Variants in BCKDHB observed in about 807,000 individuals in gnomAD.
BCKDHB encodes branched chain keto acid dehydrogenase E1 subunit beta.
In BCKDHB, 41 loss-of-function variants were observed where a neutral mutation model predicts 48.5. That is an observed-to-expected ratio of 0.85 (90% CI 0.66 to 1.10). The LOEUF is 1.10. Among genes scored for constraint, BCKDHB ranks in the 50% least tolerant of loss-of-function variants. The pLI is 0.00. For missense variants in BCKDHB, 496 were observed against 494.2 expected, an observed-to-expected ratio of 1.00 and a Z score of -0.03; for synonymous variants, 201 against 174.8, an observed-to-expected ratio of 1.15 and a Z score of -1.18.
At chr6:80,121,642 C>T (rs951173075) in intron 1 of BCKDHB, among the ~76,000 whole-genome samples, 1 of 152,140 alleles carries the variant, frequency 6.6e-6, no homozygotes, top group African/African-American at 2.4e-5. Flanking sequence ...TGGGAGTTCA[C>T]TCATGATTTG....
At chr6:80,410,848 C>CT in the BCKDHB span, among the ~76,000 whole-genome samples, 27 of 152,232 alleles carry the variant, frequency 1.8e-4, no homozygotes, top group Non-Finnish European at 3.8e-4. Context: ...TTCGTCTAAC[C>CT]TTTTTTCAAG....
intron 8 of BCKDHB, among the ~76,000 whole-genome samples, chr6:80,212,630 G>A (rs576143623): frequency 1.3e-5 from 2 of 152,204 alleles, no homozygotes; most frequent in Admixed American, 6.5e-5. Context: ...CTCAGTTTAC[G>A]AAGATAACAG....
chr6:80,266,096 A>G (rs1294060396), intron 8 of BCKDHB, among the ~76,000 whole-genome samples: 1 of 152,092 alleles, frequency 6.6e-6, no homozygotes, highest in Non-Finnish European at 1.5e-5. Flanking sequence ...TGTGTCTCAA[A>G]AGTACAACTT....
At chr6:80,332,722 AC>A (rs1214856604) in intron 9 of BCKDHB, among the ~76,000 whole-genome samples, 2 of 150,054 alleles carry the variant, frequency 1.3e-5, no homozygotes, top group Admixed American at 6.6e-5. Context: ...AAAAAAAAAA[AC>A]ACCTTCAAAC....
intron 9 of BCKDHB, among the ~76,000 whole-genome samples, chr6:80,339,459 C>T (rs907718532): frequency 3.9e-5 from 6 of 152,118 alleles, no homozygotes; most frequent in Non-Finnish European, 8.8e-5. Context: ...AGAAAATAGT[C>T]AAATGAAGAT....
At chr6:80,465,496 T>G in the BCKDHB span, among the ~76,000 whole-genome samples, 4 of 152,198 alleles carry the variant, frequency 2.6e-5, no homozygotes, top group Admixed American at 1.3e-4. Flanking sequence ...TCTAATACTG[T>G]TCTGTCAAAA....
At chr6:80,158,154 T>G (rs1438644268) in intron 3 of BCKDHB, among the ~76,000 whole-genome samples, 8 of 152,154 alleles carry the variant, frequency 5.3e-5, no homozygotes, top group Admixed American at 5.2e-4. Flanking sequence ...TTGAAACTAA[T>G]TTGGGCTTTG....
At chr6:80,111,332 G>T (rs1304589460) in intron 1 of BCKDHB, among the ~76,000 whole-genome samples, 3 of 152,158 alleles carry the variant, frequency 2.0e-5, no homozygotes, top group Non-Finnish European at 4.4e-5. Flanking sequence ...ACCCTGGGTC[G>T]CTTCAGTCTT....
chr6:80,425,305 C>A, the BCKDHB span, among the ~76,000 whole-genome samples: 1 of 152,126 alleles, frequency 6.6e-6, no homozygotes, highest in African/African-American at 2.4e-5. Context: ...CTTAATTTAT[C>A]CAATGGTTAA....
chr6:80,321,827 A>G (rs2128002136), intron 9 of BCKDHB, among the ~76,000 whole-genome samples: 1 of 152,324 alleles, frequency 6.6e-6, no homozygotes, highest in African/African-American at 2.4e-5. Context: ...ACTTCCAATT[A>G]CATTTTGTAA....
the BCKDHB span, among the ~76,000 whole-genome samples, chr6:80,459,844 G>A: frequency 1.3e-5 from 2 of 152,034 alleles, no homozygotes; most frequent in African/African-American, 2.4e-5. Flanking sequence ...TTATGTAACT[G>A]CATGGAATTA....
intron 3 of BCKDHB, among the ~76,000 whole-genome samples, chr6:80,143,022 C>T (rs1414089096): frequency 1.3e-5 from 2 of 152,008 alleles, no homozygotes; most frequent in Non-Finnish European, 2.9e-5. Context: ...ATTTAGATTC[C>T]TAAAATTATC....
At chr6:80,349,643 A>G (rs1770338794), downstream of BCKDHB, among the ~76,000 whole-genome samples, 1 of 152,200 alleles carries the variant, frequency 6.6e-6, no homozygotes, top group Non-Finnish European at 1.5e-5. Context: ...TGAAAATGAA[A>G]ACAAATATGG....
At chr6:80,185,652 A>G (rs1219302855) in intron 6 of BCKDHB, among the ~76,000 whole-genome samples, 1 of 152,064 alleles carries the variant, frequency 6.6e-6, no homozygotes, top group East Asian at 1.9e-4. Flanking sequence ...TGGAGATGGG[A>G]CTTCCTGAGA....
At chr6:80,361,207 A>G in the BCKDHB span, among the ~76,000 whole-genome samples, 2 of 152,078 alleles carry the variant, frequency 1.3e-5, no homozygotes, top group African/African-American at 4.8e-5. Context: ...TTAAAATGGT[A>G]GCCTCTTCCT....
chr6:80,203,147 G>A lies in BCKDHB; in HGVS notation c.886G>A (p.Gly296Arg), dbSNP rs1429068234. Residue 296 changes from glycine to arginine, a missense_variant, in exon 8 of 10, where the codon GGA becomes AGA. Gly to Arg is a moderately radical substitution (Grantham distance 125). Coordinates refer to ENST00000320393, the MANE Select transcript of BCKDHB (RefSeq NM_183050.4). ...AGCTTCCATGGCAAAAGAAAAGCTT[G>A]GAGTGTCTTGTGAAGTCATTGATCT... ...EVASMAKEKL[G>R]VSCEVIDLRT... The A allele has an allele frequency of 6.2e-7, 1 of 1,613,020 alleles. No individual in the cohort carries two copies.
intron 6 of BCKDHB, among the ~76,000 whole-genome samples, chr6:80,193,367 C>G (rs1425602685): frequency 6.6e-6 from 1 of 151,908 alleles, no homozygotes. Context: ...GAAACAATAA[C>G]AGTATAAAAC....
intron 7 of BCKDHB, 69 bp downstream of exon 7, chr6:80,201,100 A>T: frequency 7.7e-7 from 1 of 1,295,160 alleles, no homozygotes; most frequent in Non-Finnish European, 1.1e-6. Context: ...AAATCCTGAT[A>T]CATGAAAAAT....
At chr6:80,182,900 A>G (rs1000991491) in intron 6 of BCKDHB, among the ~76,000 whole-genome samples, 6 of 152,142 alleles carry the variant, frequency 3.9e-5, no homozygotes, top group African/African-American at 1.2e-4. Flanking sequence ...TTCTGTATCT[A>G]TTCACATAGG....
Sources: allele counts gnomAD v4.1 joint callset (sites outside exome capture counted in the v4.1 genomes callset), GRCh38; gene constraint gnomAD v4.1.1; transcripts MANE v1.5; gene names NCBI Gene and HGNC (gene_info 2026-07-23, HGNC 2026-07-21).